The following KCTD10 variants were observed in gnomAD, a reference collection of about 807,000 sequenced individuals.
KCTD10 encodes the protein potassium channel tetramerization domain containing 10.
Under a neutral mutation model 34.6 loss-of-function variants are expected in KCTD10, and 13 were observed. That is an observed-to-expected ratio of 0.38 (90% CI 0.24 to 0.60). KCTD10 has a LOEUF of 0.60. Among genes scored for constraint, KCTD10 ranks in the 20% least tolerant of loss-of-function variants. The pLI is 0.66. For missense variants in KCTD10, 256 were observed against 420.3 expected (o/e 0.61, Z 3.42); for synonymous variants, 156 against 168.8 (o/e 0.92, Z 0.59).
intron 1 of KCTD10, chr12:109,471,486 C>G (rs1873883484): frequency 1.1e-6 from 1 of 925,260 alleles, no homozygotes; most frequent in Non-Finnish European, 1.3e-6. Flanking sequence ...TTCAAAAGCT[C>G]AGGCTTAGCT....
At chr12:109,470,529 A>C in intron 1 of KCTD10, 1 of 985,446 alleles carries the variant, frequency 1.0e-6, no homozygotes, top group Non-Finnish European at 1.2e-6. Flanking sequence ...ACTCAGAGCA[A>C]ACATGTCTGA....
chr12:109,469,615 A>G lies in KCTD10; in HGVS notation c.117T>C (p.Gly39=), dbSNP rs1164801114. ...PSSKYVKLNV[G]GALYYTTMQT... is the part of the protein sequence containing the mutation. ...GCATGGTGGTATAGTAGAGGGCTCC[A>G]CCCACATTCAGCTTCACGTATTTGG... is the stretch of plus-strand genomic sequence containing the variant. The change falls in exon 2 of 7, where the codon GGT becomes GGC. Residue 39 remains glycine, a synonymous_variant. Transcript: ENST00000228495. The G allele has an allele frequency of 6.2e-7, 1 of 1,614,076 alleles. No homozygotes were observed. The highest frequency in any genetic ancestry group is 1.3e-5 in the African/African-American group (1 of 74,916).
chr12:109,464,364 T>C (rs1003406978), intron 2 of KCTD10, among the ~76,000 whole-genome samples: 3 of 152,152 alleles, frequency 2.0e-5, no homozygotes, highest in African/African-American at 7.2e-5. Flanking sequence ...GGGTATTTAG[T>C]TGCATCCCTG....
chr12:109,477,112 T>A, intron 1 of KCTD10, 148 bp downstream of exon 1: 1 of 196,950 alleles, frequency 5.1e-6, no homozygotes, highest in Non-Finnish European at 6.6e-6. Context: ...ACCCCGGGCC[T>A]TTCCCCTAAC....
chr12:109,469,064 TACTG>T (rs765807729), intron 2 of KCTD10: 9 of 202,718 alleles, frequency 4.4e-5, no homozygotes, highest in East Asian at 1.3e-4. Flanking sequence ...ATGCACTGAA[TACTG>T]ACTATGTGCC....
Position 109,455,992 on chromosome 12 carries a change from G to T in KCTD10, c.723+126C>A, listed in dbSNP as rs2302707. On this transcript the variant is annotated intron_variant, in intron 6 of 6. Transcript: ENST00000228495. ...CCTAAAAGATAAATATTTTAAGGAT[G>T]AGCAATCACAAGGCAAGCAAAGCAT... is the stretch of plus-strand genomic sequence containing the variant. 10 of 900,502 alleles carry T rather than the reference G, an allele frequency of 1.1e-5. No homozygotes were observed. The Admixed American group carries it at 1.6e-4, about 15-fold the overall frequency. The allele number at this position is 900,502 out of a possible 1,614,324, so 55.8% of individuals were successfully genotyped here.
At chr12:109,461,027 G>A (rs2302703) in intron 2 of KCTD10, among the ~76,000 whole-genome samples, 25,777 of 152,180 alleles carry the variant, frequency 0.17, 2,240 homozygotes, top group African/African-American at 0.18. Context: ...AGGTGACCCT[G>A]GTCTGAGGCT....
intron 1 of KCTD10, among the ~76,000 whole-genome samples, chr12:109,475,883 G>A (rs1022926549): frequency 1.0e-5 from 1 of 99,340 alleles, no homozygotes; most frequent in Non-Finnish European, 2.1e-5. Context: ...ACCGCCAATT[G>A]CAACTTCCAT....
chr12:109,457,683 C>A lies in KCTD10; in HGVS notation c.475-1G>T. ...TGTTGTAGAGCAACTTCACGGCTGG[C>A]TGTGGGTTGTTTTAAAAGAAGAAGA... On this transcript the variant is annotated splice_acceptor_variant, in intron 4 of 6. Coordinates refer to ENST00000228495, the MANE Select transcript of KCTD10 (RefSeq NM_031954.5). LOFTEE classifies it high-confidence loss of function. The A allele has an allele frequency of 6.2e-7, 1 of 1,614,176 alleles. No homozygotes were observed. Among genetic ancestry groups the A allele is most frequent in the Non-Finnish European group, 8.5e-7 (1 of 1,180,010 alleles).
rs1444742685 is a variant in KCTD10 at position 109,450,589 on chromosome 12, A to T, written c.*1006T>A. The T allele has an allele frequency of 7.7e-6, 3 of 390,324 alleles. No individual in the cohort carries two copies. In the Admixed American group the frequency reaches 1.3e-4, roughly 17 times the overall value. The allele number at this position is 390,324 out of a possible 1,614,324, so 24.2% of individuals were successfully genotyped here. On this transcript the variant is annotated 3_prime_UTR_variant, in exon 7 of 7. Transcript: ENST00000228495. ...GTGGTGTGAGGGTGTCCCTGCCTGG[A>T]TGCCAGGCTGGGAGGACAAAGGGTA...
chr12:109,456,682 GAGA>G, intron 5 of KCTD10: 1 of 341,730 alleles, frequency 2.9e-6, no homozygotes, highest in Non-Finnish European at 5.6e-6. Flanking sequence ...CTGCCCAAGG[GAGA>G]CTCTATATCC....
chr12:109,460,788 G>T lies in KCTD10; in HGVS notation c.235C>A (p.Arg79Ser). The T allele has an allele frequency of 2.5e-6, 4 of 1,614,094 alleles. No individual in the cohort carries two copies. Among genetic ancestry groups the T allele is most frequent in the Non-Finnish European group, 3.4e-6 (4 of 1,179,958 alleles). The stretch of plus-strand genomic sequence containing the variant: ...ATCGTACCAAAGTGCTTCCCACAGC[G>T]GTCAATGAGGATCCAGCCTGCAGAG... ...TDSEGWILID[R>S]CGKHFGTILN... Residue 79 changes from arginine to serine, a missense_variant, in exon 3 of 7, where the codon CGC becomes AGC. By Grantham distance (110) the Arg-to-Ser change is moderately radical. Transcript: ENST00000228495. This position sits in a 1 kb window ranked among gnomAD's most constrained non-coding sequence, Gnocchi z 4.5.
intron 1 of KCTD10, chr12:109,471,098 C>T: frequency 1.0e-6 from 1 of 985,378 alleles, no homozygotes; most frequent in Non-Finnish European, 1.2e-6. Flanking sequence ...AGGGCACTGA[C>T]AGCACATAAC....
chr12:109,469,206 G>T, intron 2 of KCTD10: 1 of 295,802 alleles, frequency 3.4e-6, no homozygotes, highest in South Asian at 6.1e-5. Context: ...ACCCAGGTTG[G>T]CAAGTCTTTG....
Position 109,460,591 on chromosome 12 carries a change from G to A in KCTD10, c.387+45C>T, listed in dbSNP as rs570952911. On this transcript the variant is annotated intron_variant, in intron 3 of 6. Transcript: ENST00000228495. The surrounding 1 kb of genome is among the most constrained non-coding windows in gnomAD (Gnocchi z 4.5). ...GAGGGAAAATGAGGAAGGCAGGTAG[G>A]CTTGGTGCCTCTCCACCCATATGGG... 6.3e-7 allele frequency: 1 copy of A among 1,575,176 alleles called. No homozygotes were observed. The highest frequency in any genetic ancestry group is 2.3e-5 in the East Asian group (1 of 44,112).
rs547639374 is a variant in KCTD10, at chr12:109,459,116, G to A, written c.388-1038C>T. On this transcript the variant is annotated intron_variant, in intron 3 of 6. Coordinates refer to ENST00000228495, the MANE Select transcript of KCTD10 (RefSeq NM_031954.5). ...TCATCAGACAGTTGAGAGCAGATACGGCCTCCTAGGAAACAAGATGAGCAC... is the reference window on the plus strand; with the variant it reads ...TCATCAGACAGTTGAGAGCAGATACAGCCTCCTAGGAAACAAGATGAGCAC... 6 of 152,322 alleles carry A rather than the reference G, an allele frequency of 3.9e-5. No homozygotes were observed. The South Asian group carries it at 6.2e-4, about 16-fold the overall frequency. 9.4% of individuals were successfully genotyped at this position (152,322 alleles called of 1,614,324 possible).
At chr12:109,462,347 C>T (rs192901265) in intron 2 of KCTD10, among the ~76,000 whole-genome samples, 15 of 152,328 alleles carry the variant, frequency 9.8e-5, no homozygotes, top group Middle Eastern at 3.4e-3. Context: ...CCTACTTCCG[C>T]ACTGTTCCAA....
At chr12:109,473,512 A>G (rs1176633123) in intron 1 of KCTD10, among the ~76,000 whole-genome samples, 1 of 152,188 alleles carries the variant, frequency 6.6e-6, no homozygotes, top group Non-Finnish European at 1.5e-5. Flanking sequence ...GGCAGACGGC[A>G]TGACTAAGAG....
chr12:109,452,730 C>A (rs1399895870), intron 6 of KCTD10, among the ~76,000 whole-genome samples: 1 of 152,162 alleles, frequency 6.6e-6, no homozygotes. Flanking sequence ...ACTGATGCAG[C>A]CTGAAACCCT....
Sources: gnomAD v4.1 joint callset for allele counts (sites outside exome capture counted in the v4.1 genomes callset) on GRCh38, gnomAD v4.1.1 for gene constraint, Gnocchi (gnomAD v3.1) non-coding constraint, MANE v1.5 for transcripts, NCBI Gene and HGNC (gene_info 2026-07-23, HGNC 2026-07-21) for gene names.